CHRNB2: variants seen among roughly 807,000 people sequenced by gnomAD.
CHRNB2 encodes the protein neuronal acetylcholine receptor subunit beta-2.
A neutral mutation model predicts 42.7 loss-of-function variants in CHRNB2; 33 were observed. The observed-to-expected ratio is 0.77, with a 90% CI of 0.59 to 1.03. The LOEUF is 1.03. Among genes scored for constraint, CHRNB2 ranks in the 50% least tolerant of loss-of-function variants. CHRNB2 has a pLI of 0.00. For synonymous variants in CHRNB2, 325 were observed against 292.9 expected (o/e 1.11, Z -1.12); for missense variants, 603 against 700.9 (o/e 0.86, Z 1.58).
intron 2 of CHRNB2, 26 bp from the exon 3 acceptor site, chr1:154,569,766 T>A: frequency 6.2e-7 from 1 of 1,614,096 alleles, no homozygotes; most frequent in East Asian, 2.2e-5. Flanking sequence ...AGGGGCCTTC[T>A]CGGCAGCCTC....
intron 5 of CHRNB2, among the ~76,000 whole-genome samples, chr1:154,574,989 A>G (rs1258468204): frequency 6.6e-6 from 1 of 152,184 alleles, no homozygotes; most frequent in Admixed American, 6.5e-5. Context: ...ACTGGCTCTC[A>G]AACCCACAGA....
rs745487628 is a variant in CHRNB2, at chr1:154,578,437, G to A, written c.*2505G>A. On this transcript the variant is annotated 3_prime_UTR_variant, in exon 6 of 6. Coordinates refer to ENST00000368476, the MANE Select transcript of CHRNB2 (RefSeq NM_000748.3). ...TGCTGTTTGACCTCTTTTAAGACCC[G>A]GCTGTGCTGCATCTACAAAATGAAG... 5 of 151,340 alleles carry A rather than the reference G, an allele frequency of 3.3e-5. No individual in the cohort carries two copies. The highest frequency in any genetic ancestry group is 4.9e-5 in the African/African-American group (2 of 41,120). 9.4% of individuals were successfully genotyped at this position (151,340 alleles called of 1,614,324 possible). A position where few individuals can be genotyped will look rare whatever the true frequency, so the allele number is the denominator to read the frequency against.
chr1:154,571,027 C>T lies in CHRNB2; in HGVS notation c.366-162C>T, dbSNP rs3008437. Reference sequence around the variant, plus strand: ...CCCCCCTCCCCATATCCCCTTCTTGCTCAATTCCACCTCTCTATACTCCTG... The same window carrying T: ...CCCCCCTCCCCATATCCCCTTCTTGTTCAATTCCACCTCTCTATACTCCTG... On this transcript the variant is annotated intron_variant, in intron 4 of 5. Transcript: ENST00000368476. The surrounding 1 kb of genome is among the most constrained non-coding windows in gnomAD (Gnocchi z 6.8). 4.0e-5 allele frequency among the ~76,000 whole-genome samples: 6 copies of T among 151,152 alleles called. No individual in the cohort carries two copies. The highest frequency in any genetic ancestry group is 7.4e-5 in the Non-Finnish European group (5 of 67,808).
In CHRNB2 at chr1:154,578,741, A is replaced by C. The variant is rs201869574; in HGVS notation, c.*2809A>C. 2 of 152,172 alleles carry C rather than the reference A, an allele frequency of 1.3e-5. No individual in the cohort carries two copies. Among genetic ancestry groups the C allele is most frequent in the Non-Finnish European group, 2.9e-5 (2 of 68,026 alleles). 9.4% of individuals were successfully genotyped at this position (152,172 alleles called of 1,614,324 possible). A position where few individuals can be genotyped will look rare whatever the true frequency, so the allele number is the denominator to read the frequency against. On this transcript the variant is annotated 3_prime_UTR_variant, in exon 6 of 6. Coordinates refer to ENST00000368476, the MANE Select transcript of CHRNB2 (RefSeq NM_000748.3). ...TCGTCCTCTTCTCTTGATGTCAGGG[A>C]AGCCCCTATGCCTCCTTCCCGTGGT...
At chr1:154,569,182 G>A (rs951769983) in intron 1 of CHRNB2, among the ~76,000 whole-genome samples, 6 of 152,022 alleles carry the variant, frequency 3.9e-5, no homozygotes, top group African/African-American at 1.4e-4. Flanking sequence ...GACTTTGGGG[G>A]AAGAGCAGGT....
intron 5 of CHRNB2, among the ~76,000 whole-genome samples, chr1:154,574,891 C>T (rs1696242840): frequency 1.3e-5 from 2 of 152,208 alleles, no homozygotes; most frequent in South Asian, 4.1e-4. Context: ...GCTGGCCTGG[C>T]TCCAGATAAA....
rs753331644 is a variant in CHRNB2 at position 154,571,233 on chromosome 1, T to C, written c.410T>C (p.Val137Ala). The stretch of plus-strand genomic sequence containing the variant: ...GTGTCCTTCTATTCCAATGCCGTGG[T>C]CTCCTATGATGGCAGCATCTTCTGG... ...YEVSFYSNAV[V>A]SYDGSIFWLP... Residue 137 changes from valine to alanine, a missense_variant, in exon 5 of 6, where the codon GTC (valine) becomes GCC (alanine). By Grantham distance (64) the Val-to-Ala change is moderately conservative. This residue lies in a region of CHRNB2 where 333 missense variants were observed against 452.6 expected (regional missense o/e 0.74). Coordinates refer to ENST00000368476, the MANE Select transcript of CHRNB2 (RefSeq NM_000748.3). This position sits in a 1 kb window ranked among gnomAD's most constrained non-coding sequence, Gnocchi z 6.8. 1 of 1,614,140 alleles carries C rather than the reference T, an allele frequency of 6.2e-7. No individual in the cohort carries two copies. Among genetic ancestry groups the C allele is most frequent in the Non-Finnish European group, 8.5e-7 (1 of 1,180,032 alleles).
At chr1:154,568,725 T>G (rs111834513) in intron 1 of CHRNB2, among the ~76,000 whole-genome samples, 9 of 151,920 alleles carry the variant, frequency 5.9e-5, no homozygotes, top group African/African-American at 2.2e-4. Context: ...CAGAGGGGGA[T>G]GCAGTGTGCC....
intron 4 of CHRNB2, 42 bp downstream of exon 4, chr1:154,570,409 C>A: frequency 1.6e-6 from 2 of 1,222,060 alleles, no homozygotes; most frequent in Non-Finnish European, 2.4e-6. Flanking sequence ...TTGGAGGGCT[C>A]AGGGAGGGAA....
chr1:154,575,645 C>T, intron 5 of CHRNB2, 117 bp from the exon 6 acceptor site: 2 of 1,051,578 alleles, frequency 1.9e-6, no homozygotes, highest in Non-Finnish European at 2.9e-6. Flanking sequence ...CAAGATCATT[C>T]TGGGATCACT....
Position 154,571,479 on chromosome 1 carries a change from C to G in CHRNB2, c.656C>G (p.Ser219Cys). 1 of 1,614,092 alleles carries G rather than the reference C, an allele frequency of 6.2e-7. No homozygotes were observed. Among genetic ancestry groups the G allele is most frequent in the Non-Finnish European group, 8.5e-7 (1 of 1,180,018 alleles). Residue 219 changes from serine (S) to cysteine (C), a missense_variant, in exon 5 of 6, where the codon TCT becomes TGT. Around this residue, in one of 2 missense-constraint regions of CHRNB2, gnomAD observed 333 missense variants for 452.6 expected, o/e 0.74. Coordinates refer to ENST00000368476, the MANE Select transcript of CHRNB2 (RefSeq NM_000748.3). This position sits in a 1 kb window ranked among gnomAD's most constrained non-coding sequence, Gnocchi z 6.8. ...CGGCGCAACGAGAACCCCGACGACTCTACGTACGTGGACATCACGTATGAC... is the reference window on the plus strand; with the variant it reads ...CGGCGCAACGAGAACCCCGACGACTGTACGTACGTGGACATCACGTATGAC... The part of the protein sequence containing the change: ...PGRRNENPDD[S>C]TYVDITYDFI...
rs1375045864 is a variant in CHRNB2, at chr1:154,572,075, G to A, written c.1252G>A (p.Glu418Lys). ...AGTGGCGGGCCCCGGGCGCTCAGGGGAGCCGTGTGGCTGTGGCCTCCGGGA... is the reference window on the plus strand; with the variant it reads ...AGTGGCGGGCCCCGGGCGCTCAGGGAAGCCGTGTGGCTGTGGCCTCCGGGA... ...APVAGPGRSG[E>K]PCGCGLREAV... The change falls in exon 5 of 6, where the codon GAG becomes AAG. Residue 418 changes from glutamate to lysine, a missense_variant. Physicochemically the swap from Glu to Lys is moderately conservative, Grantham distance 56. Coordinates refer to ENST00000368476, the MANE Select transcript of CHRNB2 (RefSeq NM_000748.3). 5 of 1,535,680 alleles carry A rather than the reference G, an allele frequency of 3.3e-6. No homozygotes were observed. In the East Asian group the frequency reaches 1.2e-4, roughly 38 times the overall value.
rs201622476 is a variant in CHRNB2 at position 154,571,443 on chromosome 1, C to T, written c.620C>T (p.Ala207Val). 8 of 1,614,034 alleles carry T rather than the reference C, an allele frequency of 5.0e-6. No individual in the cohort carries two copies. The highest frequency in any genetic ancestry group is 1.1e-5 in the South Asian group (1 of 91,090). Residue 207 changes from alanine to valine, a missense_variant, in exon 5 of 6, where the codon GCG becomes GTG. This residue lies in a region of CHRNB2 where 333 missense variants were observed against 452.6 expected (regional missense o/e 0.74). Transcript: ENST00000368476. This position sits in a 1 kb window ranked among gnomAD's most constrained non-coding sequence, Gnocchi z 6.8. ...CCTAGTGGTGAGTGGGACATCGTGG[C>T]GCTGCCGGGCCGGCGCAACGAGAAC... is the stretch of plus-strand genomic sequence containing the variant. ...FTPSGEWDIV[A>V]LPGRRNENPD...
In CHRNB2 at chr1:154,567,991, C is replaced by T. The variant is rs1696090627; in HGVS notation, c.-54C>T. ...GACAGCGCCCCACCCGCGGCCCTCCCCCCGGCGGCGCGCTCCAGCCGGTGT... is the reference window on the plus strand; with the variant it reads ...GACAGCGCCCCACCCGCGGCCCTCCTCCCGGCGGCGCGCTCCAGCCGGTGT... On this transcript the variant is annotated 5_prime_UTR_variant, in exon 1 of 6. Transcript: ENST00000368476. The T allele has an allele frequency of 1.8e-5, 26 of 1,476,942 alleles. No individual in the cohort carries two copies. The highest frequency in any genetic ancestry group is 2.3e-5 in the Non-Finnish European group (26 of 1,117,862). 91.5% of individuals were successfully genotyped at this position (1,476,942 alleles called of 1,614,324 possible). A position where few individuals can be genotyped will look rare whatever the true frequency, so the allele number is the denominator to read the frequency against.
At position 154,567,811 on chromosome 1, in the gene CHRNB2, C is replaced by T. The variant is rs112480976; in HGVS notation, c.-234C>T. 1 of 445,524 alleles carries T rather than the reference C, an allele frequency of 2.2e-6. No individual in the cohort carries two copies. Among genetic ancestry groups the T allele is most frequent in the Non-Finnish European group, 3.9e-6 (1 of 255,402 alleles). 27.6% of individuals were successfully genotyped at this position (445,524 alleles called of 1,614,324 possible). ...CCCCCTCACCGTCCCAATTGTATTC[C>T]CTGGAAGAGCAGCCGGAAAAGCCTC... On this transcript the variant is annotated 5_prime_UTR_variant, in exon 1 of 6. Transcript: ENST00000368476.
Position 154,569,463 on chromosome 1 carries a change from G to A in CHRNB2, c.66G>A (p.Gly22=), listed in dbSNP as rs1696121200. 1 of 1,613,786 alleles carries A rather than the reference G, an allele frequency of 6.2e-7. No individual in the cohort carries two copies. The highest frequency in any genetic ancestry group is 2.2e-5 in the East Asian group (1 of 44,876). ...TCGTCCTGCCTTTCCCCTGCCCAGGGGTGTGGGGTACGGATACAGAGGAGC... is the reference window on the plus strand; with the variant it reads ...TCGTCCTGCCTTTCCCCTGCCCAGGAGTGTGGGGTACGGATACAGAGGAGC... ...LGFGLLRLCS[G]VWGTDTEERL... The change falls in exon 2 of 6, where the codon GGG becomes GGA. Residue 22 remains glycine, a splice_region_variant and synonymous_variant. Coordinates refer to ENST00000368476, the MANE Select transcript of CHRNB2 (RefSeq NM_000748.3).
Position 154,572,073 on chromosome 1 carries a change from G to A in CHRNB2, c.1250G>A (p.Gly417Glu), listed in dbSNP as rs1191094208. ...PAPVAGPGRSGEPCGCGLREA... is the reference protein window; with the variant it reads ...PAPVAGPGRSEEPCGCGLREA... ...CCAGTGGCGGGCCCCGGGCGCTCAG[G>A]GGAGCCGTGTGGCTGTGGCCTCCGG... Residue 417 changes from glycine (G) to glutamate (E), a missense_variant, in exon 5 of 6, where the codon GGG (glycine) becomes GAG (glutamate). Around this residue, in one of 2 missense-constraint regions of CHRNB2, gnomAD observed 270 missense variants for 248.3 expected, o/e 1.09. Transcript: ENST00000368476. 18 of 1,535,490 alleles carry A rather than the reference G, an allele frequency of 1.2e-5. No homozygotes were observed. Among genetic ancestry groups the A allele is most frequent in the Non-Finnish European group, 1.5e-5 (17 of 1,146,230 alleles).
chr1:154,572,221 T>G, intron 5 of CHRNB2, 60 bp downstream of exon 5: 6 of 1,532,376 alleles, frequency 3.9e-6, no homozygotes, highest in Non-Finnish European at 4.4e-6. Flanking sequence ...GGCCCGGGTA[T>G]CTGGAAAGCA....
Position 154,571,802 on chromosome 1 carries a change from A to C in CHRNB2, c.979A>C (p.Thr327Pro). Reference sequence around the variant, plus strand: ...GCTCAACGTGCACCACCGCTCGCCCACCACGCACACCATGGCGCCCTGGGT... The same window carrying C: ...GCTCAACGTGCACCACCGCTCGCCCCCCACGCACACCATGGCGCCCTGGGT... ...CVLNVHHRSP[T>P]THTMAPWVKV... Residue 327 changes from threonine (T) to proline (P), a missense_variant, in exon 5 of 6, where the codon ACC becomes CCC. This residue lies in a region of CHRNB2 where 333 missense variants were observed against 452.6 expected (regional missense o/e 0.74). Transcript: ENST00000368476. This position sits in a 1 kb window ranked among gnomAD's most constrained non-coding sequence, Gnocchi z 6.8. The C allele has an allele frequency of 6.2e-7, 1 of 1,614,008 alleles. No homozygotes were observed. Among genetic ancestry groups the C allele is most frequent in the Non-Finnish European group, 8.5e-7 (1 of 1,180,016 alleles).
Sources: gnomAD v4.1 joint callset for allele counts (sites outside exome capture counted in the v4.1 genomes callset) on GRCh38, gnomAD v4.1.1 for gene constraint, gnomAD v4.1.1 regional missense constraint, Gnocchi (gnomAD v3.1) non-coding constraint, MANE v1.5 for transcripts, NCBI Gene and HGNC (gene_info 2026-07-23, HGNC 2026-07-21) for gene names.